MCF2L: variants seen among roughly 807,000 people sequenced by gnomAD.
The protein encoded by MCF2L is guanine nucleotide exchange factor DBS.
In MCF2L, 97 loss-of-function variants were observed where a neutral mutation model predicts 153.4. The ratio of observed to expected loss-of-function variants is 0.63; its 90% CI spans 0.54 to 0.75. MCF2L has a LOEUF of 0.75. Among genes scored for constraint, MCF2L ranks in the 30% least tolerant of loss-of-function variants. The probability of loss-of-function intolerance (pLI) is 0.00; values close to 1 mark genes in which losing one functional copy is unlikely to be tolerated. For synonymous variants in MCF2L, 659 were observed against 632.2 expected (o/e 1.04, Z -0.64); for missense variants, 1,347 against 1,495.2 (o/e 0.90, Z 1.64).
upstream of MCF2L, chr13:112,969,208 G>A (rs1253628241): frequency 2.4e-5 from 26 of 1,105,974 alleles, no homozygotes; most frequent in African/African-American, 3.8e-4. The surrounding 1 kb of genome is among the most constrained non-coding windows in gnomAD (Gnocchi z 4.8). Flanking sequence ...CCCCCCTCCC[G>A]GTGGCGCGGA....
intron 1 of MCF2L, among the ~76,000 whole-genome samples, chr13:112,988,817 T>G (rs1566696026): frequency 1.5e-5 from 1 of 65,718 alleles, no homozygotes; most frequent in Non-Finnish European, 3.1e-5. Flanking sequence ...GACACTGGAG[T>G]CCTCCCTGAG....
intron 2 of MCF2L, among the ~76,000 whole-genome samples, chr13:112,936,954 A>T (rs1218091743): frequency 1.3e-5 from 2 of 152,266 alleles, no homozygotes; most frequent in East Asian, 3.8e-4. Flanking sequence ...GAATATTTCA[A>T]TGTGCAGTAT....
intron 1 of MCF2L, among the ~76,000 whole-genome samples, chr13:113,008,103 GA>G (rs1173287035): frequency 6.6e-6 from 1 of 152,046 alleles, no homozygotes; most frequent in African/African-American, 2.4e-5. Context: ...CTTTAGTAGG[GA>G]GGGGGTTTCG....
At chr13:113,087,201 C>G (rs781294325) in intron 21 of MCF2L, 34 bp from the exon 22 acceptor site, 24 of 1,571,186 alleles carry the variant, frequency 1.5e-5, no homozygotes, top group Non-Finnish European at 2.0e-5. Flanking sequence ...AGGCCCATCC[C>G]GTCCTGAACA....
intron 11 of MCF2L, 97 bp from the exon 12 acceptor site, chr13:113,075,869 A>T: frequency 6.2e-6 from 6 of 967,304 alleles, no homozygotes; most frequent in Non-Finnish European, 7.6e-6. Context: ...GTGGCCCGGG[A>T]TCTGTCGGGA....
chr13:112,949,022 ACTGCACTC>A (rs1392747867), intron 2 of MCF2L, among the ~76,000 whole-genome samples: 1 of 152,256 alleles, frequency 6.6e-6, no homozygotes, highest in African/African-American at 2.4e-5. Context: ...AGATTGTGCT[ACTGCACTC>A]CCACCTGGGT....
chr13:113,050,123 C>G (rs2087115018), intron 4 of MCF2L, among the ~76,000 whole-genome samples: 1 of 152,148 alleles, frequency 6.6e-6, no homozygotes, highest in Non-Finnish European at 1.5e-5. Context: ...GTTGCAACAT[C>G]TAACCCTCTT....
chr13:112,997,313 G>GA (rs1383736610), intron 1 of MCF2L, among the ~76,000 whole-genome samples: 1 of 152,248 alleles, frequency 6.6e-6, no homozygotes, highest in Non-Finnish European at 1.5e-5. Context: ...GGTTGCTGCT[G>GA]ACGCCCCTGT....
rs957031764 is a variant in MCF2L at position 113,054,618 on chromosome 13, A to G, written c.370-5975A>G. Reference sequence around the variant, plus strand: ...GTTGGTGAGGTTTCAGTTGCTCTGAAATTAAATATATAATGTCAAGCTGGA... The same window carrying G: ...GTTGGTGAGGTTTCAGTTGCTCTGAGATTAAATATATAATGTCAAGCTGGA... On this transcript the variant is annotated intron_variant, in intron 4 of 29. Transcript: ENST00000535094. The surrounding 1 kb of genome is among the most constrained non-coding windows in gnomAD (Gnocchi z 5.2). 14 of 152,378 alleles carry G rather than the reference A, an allele frequency of 9.2e-5. No individual in the cohort carries two copies. The highest frequency in any genetic ancestry group is 3.1e-4 in the African/African-American group (13 of 41,574). The allele number at this position is 152,378 out of a possible 1,614,324, so 9.4% of individuals were successfully genotyped here.
intron 3 of MCF2L, among the ~76,000 whole-genome samples, chr13:113,026,106 T>G (rs369481635): frequency 7.6e-5 from 8 of 104,654 alleles, no homozygotes; most frequent in Admixed American, 9.0e-5. Context: ...AGAGTCTCTG[T>G]GAGGTTTCAT....
intron 3 of MCF2L, chr13:113,043,820 C>T (rs945454727): frequency 6.6e-6 from 1 of 152,320 alleles, no homozygotes; most frequent in Non-Finnish European, 1.5e-5. Flanking sequence ...ACCTCAGACT[C>T]CCCAGTAGCT....
chr13:113,085,246 G>T, intron 20 of MCF2L, 68 bp downstream of exon 20: 1 of 1,472,592 alleles, frequency 6.8e-7, no homozygotes, highest in Non-Finnish European at 9.4e-7. Context: ...TGCCGCCCTG[G>T]GGCCCCGTCC....
chr13:113,046,412 C>CCCCAGTGAAGTCAGATTCT lies in MCF2L; in HGVS notation c.369+1073_369+1091dup, dbSNP rs558238947. On this transcript the variant is annotated intron_variant, in intron 4 of 29. Coordinates refer to ENST00000535094, the MANE Select transcript of MCF2L (RefSeq NM_001112732.3). The surrounding 1 kb of genome is among the most constrained non-coding windows in gnomAD (Gnocchi z 4.4). The stretch of plus-strand genomic sequence containing the variant: ...GCTCCAAGCATTCCCCAGCACCAAA[C>CCCCAGTGAAGTCAGATTCT]CCCAGTGAAGTCAGATTCTCCCAGT... 1.6e-5 allele frequency: 7 copies of CCCCAGTGAAGTCAGATTCT among 445,140 alleles called. No individual in the cohort carries two copies. Among genetic ancestry groups the CCCCAGTGAAGTCAGATTCT allele is most frequent in the Non-Finnish European group, 2.7e-5 (6 of 223,566 alleles). 27.6% of individuals were successfully genotyped at this position (445,140 alleles called of 1,614,324 possible).
intron 5 of MCF2L, among the ~76,000 whole-genome samples, chr13:113,063,262 G>A (rs927867230): frequency 4.6e-5 from 7 of 152,280 alleles, no homozygotes; most frequent in African/African-American, 9.6e-5. Context: ...ACACAGGTCC[G>A]AAGCCAGGCG....
At chr13:113,081,592 C>T (rs753198796) in intron 16 of MCF2L, among the ~76,000 whole-genome samples, 6 of 152,358 alleles carry the variant, frequency 3.9e-5, no homozygotes, top group South Asian at 4.1e-4. Context: ...CTGCGATTCC[C>T]GGCACGGGGC....
chr13:113,032,423 T>C (rs2085781944), intron 3 of MCF2L, among the ~76,000 whole-genome samples: 1 of 152,268 alleles, frequency 6.6e-6, no homozygotes, highest in African/African-American at 2.4e-5. Context: ...ACTGTGGAGC[T>C]GCACTGGGGT....
intron 2 of MCF2L, among the ~76,000 whole-genome samples, chr13:112,955,589 ACTC>A (rs1429868732): frequency 6.6e-6 from 1 of 152,034 alleles, no homozygotes; most frequent in African/African-American, 2.4e-5. Context: ...AGATTGAGTA[ACTC>A]CCTCAAGGTC....
intron 3 of MCF2L, among the ~76,000 whole-genome samples, chr13:113,038,898 C>T (rs1196623319): frequency 6.6e-6 from 1 of 152,216 alleles, no homozygotes; most frequent in Non-Finnish European, 1.5e-5. Flanking sequence ...CGCTGTGTCA[C>T]CCAGGCTGGA....
chr13:112,923,337 C>T (rs928379461), intron 2 of MCF2L, among the ~76,000 whole-genome samples: 3 of 144,896 alleles, frequency 2.1e-5, no homozygotes, highest in African/African-American at 7.7e-5. Context: ...GATCTCGGCT[C>T]ACTGCAAGCT....
Sources: allele counts gnomAD v4.1 joint callset (sites outside exome capture counted in the v4.1 genomes callset), GRCh38; gene constraint gnomAD v4.1.1; non-coding constraint Gnocchi (gnomAD v3.1); transcripts MANE v1.5; gene names NCBI Gene and HGNC (gene_info 2026-07-23, HGNC 2026-07-21).